UBFD1: variants seen among roughly 807,000 people sequenced by gnomAD.
UBFD1 encodes ubiquitin domain-containing protein UBFD1.
Under a neutral mutation model 35.1 loss-of-function variants are expected in UBFD1, and 12 were observed. That is an observed-to-expected ratio of 0.34 (90% CI 0.22 to 0.55). The LOEUF (loss-of-function observed/expected upper bound fraction) is 0.55, where lower values mean the gene tolerates loss of function less well. Ranked by LOEUF, UBFD1 falls within the 20% of genes least tolerant of loss-of-function variation. The pLI is 0.89. For missense variants in UBFD1, 337 were observed against 410.8 expected, an observed-to-expected ratio of 0.82 and a Z score of 1.55; for synonymous variants, 178 against 167.6, an observed-to-expected ratio of 1.06 and a Z score of -0.48.
In UBFD1 at chr16:23,558,016, T is replaced by C. The variant is rs966157129; in HGVS notation, c.92T>C (p.Val31Ala). ...TVATEAPARP[V>A]NCLEAEAAAG... ...GCTACTGAGGCTCCCGCGCGGCCCG[T>C]CAACTGCCTGGAGGCTGAAGCCGCG... The change falls in exon 2 of 7, where the codon GTC becomes GCC. Residue 31 changes from valine (V) to alanine (A), a missense_variant. Val to Ala is a moderately conservative substitution (Grantham distance 64). This residue lies in a region of UBFD1 where 198 missense variants were observed against 168.4 expected (regional missense o/e 1.18). Coordinates refer to ENST00000395878, the MANE Select transcript of UBFD1 (RefSeq NM_019116.3). 1.3e-5 allele frequency: 18 copies of C among 1,358,016 alleles called. No homozygotes were observed. Among genetic ancestry groups the C allele is most frequent in the Admixed American group, 3.6e-5 (1 of 28,006 alleles). 84.1% of individuals were successfully genotyped at this position (1,358,016 alleles called of 1,614,324 possible).
At chr16:23,558,495 A>T (rs772004221) in intron 2 of UBFD1, among the ~76,000 whole-genome samples, 12 of 152,192 alleles carry the variant, frequency 7.9e-5, no homozygotes, top group African/African-American at 1.9e-4. Context: ...CCGAAGTCTG[A>T]CGTTTAGGCC....
chr16:23,566,201 C>T (rs1337938113), intron 5 of UBFD1: 1 of 152,196 alleles, frequency 6.6e-6, no homozygotes, highest in East Asian at 1.9e-4. Context: ...GGTATAGAAT[C>T]TAGCCCTAAA....
chr16:23,570,539 A>T lies in UBFD1; in HGVS notation c.879A>T (p.Gln293His), dbSNP rs746048757. 1 of 1,614,054 alleles carries T rather than the reference A, an allele frequency of 6.2e-7. No homozygotes were observed. The highest frequency in any genetic ancestry group is 8.5e-7 in the Non-Finnish European group (1 of 1,179,988). The change falls in exon 7 of 7, where the codon CAA becomes CAT. Residue 293 changes from glutamine (Q) to histidine (H), a missense_variant. By Grantham distance (24) the Gln-to-His change is conservative. Transcript: ENST00000395878. ...SYYWVYWVPT[Q>H]YVDAIKDTVL... ...ACTGGGTGTACTGGGTTCCAACTCA[A>T]TATGTGGATGCAATCAAAGACACTG...
intron 6 of UBFD1, 133 bp from the exon 7 acceptor site, chr16:23,570,347 C>T: frequency 1.5e-6 from 1 of 685,544 alleles, no homozygotes; most frequent in Non-Finnish European, 2.5e-6. Flanking sequence ...AGAATGCTCC[C>T]CACGTGCAAA....
Position 23,562,613 on chromosome 16 carries a change from T to C in UBFD1, c.631-12T>C. The C allele has an allele frequency of 6.2e-7, 1 of 1,613,026 alleles. No individual in the cohort carries two copies. Among genetic ancestry groups the C allele is most frequent in the East Asian group, 2.2e-5 (1 of 44,882 alleles). On this transcript the variant is annotated splice_polypyrimidine_tract_variant and intron_variant, in intron 4 of 6. Transcript: ENST00000395878. ...TGTCCCTCCATCTCTTACCATTCTC[T>C]CGTGCCTTCAGGAGCGCCTGCCAAC...
chr16:23,557,751 G>A lies in UBFD1; in HGVS notation c.9G>A (p.Ala3=). MA[A]AGAPDGMEEP... ...TGTTGTACACAATCATCATGGCGGC[G>A]GCCGGGGCCCCGGATGGTGAGTGCG... Residue 3 remains alanine (A), a synonymous_variant, in exon 1 of 7, where the codon GCG becomes GCA. Coordinates refer to ENST00000395878, the MANE Select transcript of UBFD1 (RefSeq NM_019116.3). 1.5e-6 allele frequency: 2 copies of A among 1,309,972 alleles called. No individual in the cohort carries two copies. The highest frequency in any genetic ancestry group is 1.9e-6 in the Non-Finnish European group (2 of 1,028,636). 81.1% of individuals were successfully genotyped at this position (1,309,972 alleles called of 1,614,324 possible).
chr16:23,562,934 G>A (rs1965958877), intron 5 of UBFD1, among the ~76,000 whole-genome samples: 1 of 152,194 alleles, frequency 6.6e-6, no homozygotes, highest in Non-Finnish European at 1.5e-5. Context: ...TGATCTTAGG[G>A]CTGATCCACC....
At chr16:23,568,157 C>CTTTT (rs34119136) in intron 6 of UBFD1, among the ~76,000 whole-genome samples, 14 of 114,608 alleles carry the variant, frequency 1.2e-4, no homozygotes, top group African/African-American at 2.0e-4. Flanking sequence ...TCTCTGTAGT[C>CTTTT]TTTTTTTTTT....
intron 5 of UBFD1, among the ~76,000 whole-genome samples, chr16:23,563,181 C>T (rs1965963204): frequency 6.6e-6 from 1 of 151,650 alleles, no homozygotes; most frequent in Non-Finnish European, 1.5e-5. Context: ...GTGGTGGTTT[C>T]CAGTGGGCCA....
At position 23,558,273 on chromosome 16, in the gene UBFD1, A is replaced by G. The variant is rs558904092; in HGVS notation, c.349A>G (p.Ile117Val). Reference protein sequence around the residue: ...GSELKQKIHSITGLPPAMQKV... With the variant: ...GSELKQKIHSVTGLPPAMQKV... ...CGAGCTGAAACAGAAGATCCACTCG[A>G]TTACAGGTAATTCCTGTGGCGCTGA... The change falls in exon 2 of 7, where the codon ATT becomes GTT. Residue 117 changes from isoleucine (I) to valine (V), a missense_variant. Coordinates refer to ENST00000395878, the MANE Select transcript of UBFD1 (RefSeq NM_019116.3). The G allele has an allele frequency of 6.3e-7, 1 of 1,596,680 alleles. No homozygotes were observed. Among genetic ancestry groups the G allele is most frequent in the South Asian group, 1.1e-5 (1 of 88,852 alleles).
At chr16:23,563,493 C>G (rs1375949692) in intron 5 of UBFD1, among the ~76,000 whole-genome samples, 1 of 152,160 alleles carries the variant, frequency 6.6e-6, no homozygotes, top group Admixed American at 6.5e-5. Context: ...CTGTCCCTTT[C>G]TTTGCCACAC....
chr16:23,562,347 T>C (rs1965948557), intron 4 of UBFD1, 76 bp downstream of exon 4: 1 of 1,338,566 alleles, frequency 7.5e-7, no homozygotes, highest in Non-Finnish European at 1.0e-6. Flanking sequence ...TCCAATCCTG[T>C]CCCTTCTCTT....
intron 5 of UBFD1, chr16:23,565,910 C>T (rs898408293): frequency 6.1e-5 from 9 of 148,668 alleles, no homozygotes; most frequent in African/African-American, 1.2e-4. Context: ...GCCATGTCCC[C>T]TTGTGCAGGT....
chr16:23,558,001 C>T lies in UBFD1; in HGVS notation c.77C>T (p.Ala26Val). ...DTEAETVATEAPARPVNCLEA... is the reference protein window; with the variant it reads ...DTEAETVATEVPARPVNCLEA... ...GAGGCCGAGACTGTGGCTACTGAGGCTCCCGCGCGGCCCGTCAACTGCCTG... is the reference window on the plus strand; with the variant it reads ...GAGGCCGAGACTGTGGCTACTGAGGTTCCCGCGCGGCCCGTCAACTGCCTG... Residue 26 changes from alanine to valine, a missense_variant, in exon 2 of 7, where the codon GCT becomes GTT. This residue lies in a region of UBFD1 where 198 missense variants were observed against 168.4 expected (regional missense o/e 1.18). Transcript: ENST00000395878. 2 of 1,366,226 alleles carry T rather than the reference C, an allele frequency of 1.5e-6. No homozygotes were observed. The highest frequency in any genetic ancestry group is 2.0e-4 in the Middle Eastern group (1 of 5,090). The allele number at this position is 1,366,226 out of a possible 1,614,324, so 84.6% of individuals were successfully genotyped here.
chr16:23,563,942 A>G (rs1291734809), intron 5 of UBFD1: 1 of 151,058 alleles, frequency 6.6e-6, no homozygotes, highest in African/African-American at 2.4e-5. Context: ...TTCTCCCCCC[A>G]CCCTCCAAAT....
intron 3 of UBFD1, chr16:23,561,823 ATT>A (rs5816219): frequency 0.017 from 2,422 of 142,468 alleles, 20 homozygotes; most frequent in South Asian, 0.022. Flanking sequence ...TTCAGTGGTG[ATT>A]TTTTTTTTTT....
Position 23,559,211 on chromosome 16 carries a change from A to G in UBFD1, c.356-257A>G, listed in dbSNP as rs148966434. ...CTAGTACTTACTGAACAATTATTCA[A>G]TGCTAGCCACCGTACTAAATGCCCC... On this transcript the variant is annotated intron_variant, in intron 2 of 6. Coordinates refer to ENST00000395878, the MANE Select transcript of UBFD1 (RefSeq NM_019116.3). 1,029 of 356,506 alleles carry G rather than the reference A, an allele frequency of 2.9e-3. 5 individuals are homozygous for G. The highest frequency in any genetic ancestry group is 0.019 in the African/African-American group (919 of 47,746). The allele number at this position is 356,506 out of a possible 1,614,324, so 22.1% of individuals were successfully genotyped here.
rs1298373782 is a variant in UBFD1 at position 23,558,267 on chromosome 16, C to T, written c.343C>T (p.His115Tyr). 2.5e-6 allele frequency: 4 copies of T among 1,598,874 alleles called. No homozygotes were observed. The highest frequency in any genetic ancestry group is 1.7e-6 in the Non-Finnish European group (2 of 1,173,366). The change falls in exon 2 of 7, where the codon CAC becomes TAC. Residue 115 changes from histidine to tyrosine, a missense_variant. Transcript: ENST00000395878. ...AGGCTCCGAGCTGAAACAGAAGATC[C>T]ACTCGATTACAGGTAATTCCTGTGG... ...STGSELKQKI[H>Y]SITGLPPAMQ...
intron 5 of UBFD1, among the ~76,000 whole-genome samples, chr16:23,563,689 G>A (rs965789740): frequency 6.6e-6 from 1 of 152,156 alleles, no homozygotes; most frequent in Non-Finnish European, 1.5e-5. Context: ...TAACCATAGC[G>A]TTCAGTGTTC....
Sources: gnomAD v4.1 joint callset for allele counts (sites outside exome capture counted in the v4.1 genomes callset) on GRCh38, gnomAD v4.1.1 for gene constraint, gnomAD v4.1.1 regional missense constraint, MANE v1.5 for transcripts, NCBI Gene and HGNC (gene_info 2026-07-23, HGNC 2026-07-21) for gene names.